Variants in MEIS2 observed in about 807,000 individuals in gnomAD.
The protein encoded by MEIS2 is homeobox protein Meis2.
Under a neutral mutation model 58.6 loss-of-function variants are expected in MEIS2, and 9 were observed. The observed-to-expected ratio is 0.15, with a 90% CI of 0.09 to 0.27. The LOEUF (loss-of-function observed/expected upper bound fraction) is 0.27, where lower values mean the gene tolerates loss of function less well. Among genes scored for constraint, MEIS2 ranks in the 10% least tolerant of loss-of-function variants. MEIS2 has a pLI of 1.00. For synonymous variants in MEIS2, 221 were observed against 228.4 expected (o/e 0.97, Z 0.29); for missense variants, 427 against 635.0 (o/e 0.67, Z 3.52).
chr15:37,071,368 C>T (rs768077898), intron 7 of MEIS2, among the ~76,000 whole-genome samples: 11 of 152,052 alleles, frequency 7.2e-5, no homozygotes, highest in South Asian at 2.1e-4. Flanking sequence ...ACTAGAAGTC[C>T]GGGCTTGGGG....
At chr15:37,051,768 G>T (rs2062928901) in intron 7 of MEIS2, among the ~76,000 whole-genome samples, 1 of 152,300 alleles carries the variant, frequency 6.6e-6, no homozygotes. Flanking sequence ...CTGCAGCAAA[G>T]TTCTGGATGA....
At chr15:36,895,811 G>A (rs76631308) in intron 10 of MEIS2, among the ~76,000 whole-genome samples, 2,455 of 152,156 alleles carry the variant, frequency 0.016, 71 homozygotes, top group African/African-American at 0.055. Context: ...ATATTTTGGC[G>A]TTATTGGGGA....
chr15:36,960,062 T>G (rs1015806255), intron 8 of MEIS2, among the ~76,000 whole-genome samples: 1 of 152,150 alleles, frequency 6.6e-6, no homozygotes, highest in African/African-American at 2.4e-5. Context: ...ATTAAGGAAT[T>G]ATTAAGCAAC....
intron 9 of MEIS2, among the ~76,000 whole-genome samples, chr15:36,914,846 A>C (rs2057203751): frequency 6.6e-6 from 1 of 152,106 alleles, no homozygotes; most frequent in Admixed American, 6.5e-5. Flanking sequence ...GCATTAAAAA[A>C]CCCCACAAAT....
intron 9 of MEIS2, among the ~76,000 whole-genome samples, chr15:36,923,503 G>T (rs2057606985): frequency 1.3e-5 from 2 of 152,070 alleles, no homozygotes; most frequent in Admixed American, 1.3e-4. Flanking sequence ...CATGATTCAA[G>T]CTGTGCAATG....
At position 36,985,488 on chromosome 15, in the gene MEIS2, T is replaced by G. The variant is rs1156897643; in HGVS notation, c.901-35088A>C. Among the ~76,000 whole-genome samples, 3 of 152,314 alleles carry G rather than the reference T, an allele frequency of 2.0e-5. No individual in the cohort carries two copies. The East Asian group carries it at 5.8e-4, about 29-fold the overall frequency. Reference sequence around the variant, plus strand: ...TTCTTGTAATACAGTATTCTGATGATCTTTTCTGGATCTTGAATTGGAGCA... The same window carrying G: ...TTCTTGTAATACAGTATTCTGATGAGCTTTTCTGGATCTTGAATTGGAGCA... On this transcript the variant is annotated intron_variant, in intron 8 of 11. Coordinates refer to ENST00000561208, the MANE Select transcript of MEIS2 (RefSeq NM_170675.5).
chr15:36,984,534 A>G (rs545766173), intron 8 of MEIS2, among the ~76,000 whole-genome samples: 35 of 152,116 alleles, frequency 2.3e-4, no homozygotes, highest in Non-Finnish European at 3.5e-4. Flanking sequence ...TTCACCAGGC[A>G]TATTAGCTTG....
At chr15:37,096,242 G>T in intron 3 of MEIS2, 47 bp downstream of exon 3, 2 of 1,523,098 alleles carry the variant, frequency 1.3e-6, no homozygotes, top group Non-Finnish European at 1.8e-6. Flanking sequence ...GAAAGGGGAG[G>T]GGTAGTGAGG....
At chr15:36,892,603 T>C (rs2055934505) in intron 11 of MEIS2, 144 bp from the exon 12 acceptor site, 2 of 745,668 alleles carry the variant, frequency 2.7e-6, no homozygotes, top group East Asian at 2.6e-5. Context: ...TTCTTGCCAA[T>C]GTTTGCAGAC....
At chr15:36,903,333 C>T (rs2056573619) in intron 9 of MEIS2, among the ~76,000 whole-genome samples, 2 of 152,168 alleles carry the variant, frequency 1.3e-5, no homozygotes, top group South Asian at 4.1e-4. Context: ...AGAAAACACT[C>T]AAACTTCCTT....
At chr15:36,967,164 C>T (rs550823390) in intron 8 of MEIS2, among the ~76,000 whole-genome samples, 1 of 152,268 alleles carries the variant, frequency 6.6e-6, no homozygotes, top group East Asian at 1.9e-4. Context: ...CTACATCAAT[C>T]CTGTCATCCT....
intron 7 of MEIS2, among the ~76,000 whole-genome samples, chr15:37,081,590 T>C (rs1030450127): frequency 1.3e-5 from 2 of 152,366 alleles, no homozygotes; most frequent in Middle Eastern, 3.4e-3. Flanking sequence ...AAAGCCAGAA[T>C]GCTCTTATAT....
At chr15:37,015,505 GATCACTGT>G (rs1216747760) in intron 8 of MEIS2, among the ~76,000 whole-genome samples, 1 of 150,050 alleles carries the variant, frequency 6.7e-6, no homozygotes, top group Non-Finnish European at 1.5e-5. Flanking sequence ...TAAGGCCACC[GATCACTGT>G]ATCATGCCAG....
At chr15:37,006,736 A>G (rs963382051) in intron 8 of MEIS2, among the ~76,000 whole-genome samples, 4 of 152,248 alleles carry the variant, frequency 2.6e-5, no homozygotes, top group African/African-American at 9.6e-5. Context: ...TTCTTCATGG[A>G]TAAGCCAATA....
intron 8 of MEIS2, among the ~76,000 whole-genome samples, chr15:37,029,332 T>C (rs1352556041): frequency 6.6e-6 from 1 of 152,192 alleles, no homozygotes; most frequent in Non-Finnish European, 1.5e-5. Flanking sequence ...CATCTCTTAC[T>C]GTATAACTAA....
intron 6 of MEIS2, among the ~76,000 whole-genome samples, chr15:37,091,451 T>G (rs1324941176): frequency 6.6e-6 from 1 of 152,174 alleles, no homozygotes; most frequent in Non-Finnish European, 1.5e-5. Context: ...ATAAAAGGCT[T>G]TAAATTATGA....
Position 37,098,157 on chromosome 15 carries a change from C to T in MEIS2, c.55G>A (p.Val19Ile), listed in dbSNP as rs762378662. 2 of 1,609,936 alleles carry T rather than the reference C, an allele frequency of 1.2e-6. No homozygotes were observed. Among genetic ancestry groups the T allele is most frequent in the Non-Finnish European group, 1.7e-6 (2 of 1,177,588 alleles). ...GGGTCTCCGTACATGGAAGCGGGAA[C>T]CCCTACTCCGTCCATCCCGCCGTAA... ...PHYGGMDGVG[V>I]PASMYGDPHA... The change falls in exon 2 of 12, where the codon GTT (valine) becomes ATT (isoleucine). Residue 19 changes from valine to isoleucine, a missense_variant. Physicochemically the swap from Val to Ile is conservative, Grantham distance 29. Coordinates refer to ENST00000561208, the MANE Select transcript of MEIS2 (RefSeq NM_170675.5).
chr15:37,088,541 GAAC>G (rs1893159764), intron 6 of MEIS2, among the ~76,000 whole-genome samples: 1 of 152,120 alleles, frequency 6.6e-6, no homozygotes, highest in Admixed American at 6.6e-5. Flanking sequence ...TGTGTGGTTT[GAAC>G]AAATGTTGGA....
chr15:36,932,676 G>A (rs997677404), intron 9 of MEIS2, among the ~76,000 whole-genome samples: 9 of 152,046 alleles, frequency 5.9e-5, no homozygotes, highest in Non-Finnish European at 1.3e-4. Context: ...GTGTGCACGT[G>A]TGTGTCTGTC....
Sources: allele counts gnomAD v4.1 joint callset (sites outside exome capture counted in the v4.1 genomes callset), GRCh38; gene constraint gnomAD v4.1.1; transcripts MANE v1.5; gene names NCBI Gene and HGNC (gene_info 2026-07-23, HGNC 2026-07-21).